SPMAP2L: variants seen among roughly 807,000 people sequenced by gnomAD.
The protein encoded by SPMAP2L is sperm microtubule associated protein 2-like.
the SPMAP2L span, among the ~76,000 whole-genome samples, chr4:56,564,106 A>G: frequency 6.7e-6 from 1 of 150,010 alleles, no homozygotes; most frequent in African/African-American, 2.5e-5. Context: ...ACAGTTTATT[A>G]ATTTCGTTGA....
At chr4:56,553,273 C>T in the SPMAP2L span, among the ~76,000 whole-genome samples, 1 of 132,496 alleles carries the variant, frequency 7.5e-6, no homozygotes, top group Non-Finnish European at 1.5e-5. Context: ...TTACTGCAGC[C>T]TTGACCTCCC....
chr4:56,534,507 TCC>T, the SPMAP2L span, among the ~76,000 whole-genome samples: 7 of 152,200 alleles, frequency 4.6e-5, no homozygotes, highest in African/African-American at 1.7e-4. Context: ...GGTCATCAGT[TCC>T]ATGGCCTTAA....
At chr4:56,605,696 T>G in the SPMAP2L span, among the ~76,000 whole-genome samples, 1 of 152,096 alleles carries the variant, frequency 6.6e-6, no homozygotes, top group Non-Finnish European at 1.5e-5. Flanking sequence ...CCCAACCCCC[T>G]TTCGTGAGGA....
chr4:56,537,806 C>T, the SPMAP2L span, among the ~76,000 whole-genome samples: 1 of 152,106 alleles, frequency 6.6e-6, no homozygotes, highest in South Asian at 2.1e-4. Context: ...CATTCTCCTG[C>T]TTCAGCCTCC....
chr4:56,594,516 A>G, the SPMAP2L span: 10 of 1,608,200 alleles, frequency 6.2e-6, no homozygotes, highest in African/African-American at 8.0e-5. Flanking sequence ...AGGGGAGCCC[A>G]GGGAGAATAT....
At chr4:56,534,670 T>C in the SPMAP2L span, among the ~76,000 whole-genome samples, 1 of 152,218 alleles carries the variant, frequency 6.6e-6, no homozygotes, top group African/African-American at 2.4e-5. Context: ...CTTACGCCTG[T>C]AATCCCAGCA....
chr4:56,537,017 G>A, the SPMAP2L span, among the ~76,000 whole-genome samples: 3 of 152,100 alleles, frequency 2.0e-5, no homozygotes, highest in African/African-American at 7.2e-5. Context: ...GCTCACCTCA[G>A]CCTCACAAAG....
chr4:56,571,221 T>G, the SPMAP2L span, among the ~76,000 whole-genome samples: 2 of 152,218 alleles, frequency 1.3e-5, no homozygotes, highest in South Asian at 2.1e-4. Context: ...ATATTTTTTC[T>G]TTATATCCTT....
At chr4:56,574,546 T>TTATC in the SPMAP2L span, among the ~76,000 whole-genome samples, 1 of 152,218 alleles carries the variant, frequency 6.6e-6, no homozygotes, top group Non-Finnish European at 1.5e-5. Context: ...CTAAACTCAG[T>TTATC]TATCTAGCAA....
chr4:56,554,338 T>C, the SPMAP2L span, among the ~76,000 whole-genome samples: 4 of 152,234 alleles, frequency 2.6e-5, no homozygotes, highest in African/African-American at 9.6e-5. Context: ...TCCATCTTTG[T>C]CAGCATTTGG....
chr4:56,586,510 G>T, the SPMAP2L span, among the ~76,000 whole-genome samples: 4 of 152,122 alleles, frequency 2.6e-5, no homozygotes, highest in Non-Finnish European at 4.4e-5. Context: ...CTGGGGGTTT[G>T]GGCTTCAACA....
the SPMAP2L span, among the ~76,000 whole-genome samples, chr4:56,547,791 C>T: frequency 6.6e-6 from 1 of 152,148 alleles, no homozygotes; most frequent in Non-Finnish European, 1.5e-5. Context: ...AGCAATCCAT[C>T]ATTATAAGGC....
At chr4:56,594,054 G>T in the SPMAP2L span, 1 of 1,610,812 alleles carries the variant, frequency 6.2e-7, no homozygotes, top group Non-Finnish European at 8.5e-7. Context: ...TTTGAGGATG[G>T]CACACTTGGT....
the SPMAP2L span, chr4:56,530,911 C>T: frequency 3.3e-6 from 5 of 1,535,146 alleles, no homozygotes; most frequent in Admixed American, 2.0e-5. Context: ...ATGTGATGAG[C>T]CTCATGAGTC....
At chr4:56,583,292 A>G in the SPMAP2L span, among the ~76,000 whole-genome samples, 1 of 114,584 alleles carries the variant, frequency 8.7e-6, no homozygotes, top group African/African-American at 3.5e-5. Flanking sequence ...AAATAAAAGG[A>G]AAAAAAAAAG....
chr4:56,620,377 A>G, the SPMAP2L span, among the ~76,000 whole-genome samples: 2 of 147,388 alleles, frequency 1.4e-5, no homozygotes, highest in Non-Finnish European at 1.5e-5. Flanking sequence ...GAAACAAAAT[A>G]GCCTTCTAGT....
At chr4:56,551,973 T>C in the SPMAP2L span, among the ~76,000 whole-genome samples, 1 of 152,170 alleles carries the variant, frequency 6.6e-6, no homozygotes, top group Admixed American at 6.5e-5. Flanking sequence ...GTGACAGTTA[T>C]GTCACTCCAA....
the SPMAP2L span, among the ~76,000 whole-genome samples, chr4:56,598,221 T>A: frequency 7.3e-3 from 1,116 of 152,290 alleles, 12 homozygotes; most frequent in African/African-American, 0.025. Context: ...ATCCTAGGTA[T>A]TTTACCAATA....
chr4:56,536,759 GTTA>G, the SPMAP2L span, among the ~76,000 whole-genome samples: 1 of 151,992 alleles, frequency 6.6e-6, no homozygotes, highest in Non-Finnish European at 1.5e-5. Flanking sequence ...GTGTTGTAGT[GTTA>G]TTATTATTAT....
Sources: gnomAD v4.1 joint callset for allele counts (sites outside exome capture counted in the v4.1 genomes callset) on GRCh38, gnomAD v4.1.1 for gene constraint, MANE v1.5 for transcripts, NCBI Gene and HGNC (gene_info 2026-07-23, HGNC 2026-07-21) for gene names.